ZNF717: variants seen among roughly 807,000 people sequenced by gnomAD.
The protein encoded by ZNF717 is krueppel-like factor X17.
ZNF717 carries 9 observed loss-of-function variants against 13.8 expected under a neutral mutation model. That is an observed-to-expected ratio of 0.65 (90% CI 0.39 to 1.14). The LOEUF is 1.14. ZNF717 is among the 50% of genes most tolerant of loss of function. The pLI is 0.01. For synonymous variants in ZNF717, 327 were observed against 364.1 expected (o/e 0.90, Z 1.16); for missense variants, 1,040 against 1,080.7 (o/e 0.96, Z 0.53).
chr3:75,719,022 G>A (rs1395197227), intron 4 of ZNF717, among the ~76,000 whole-genome samples: 261 of 152,292 alleles, frequency 1.7e-3, no homozygotes, highest in Admixed American at 5.2e-3. Context: ...GGCCAGGCAC[G>A]GTGGTTCATG....
In ZNF717 at chr3:75,737,060, A is replaced by G. The variant is rs77715040; in HGVS notation, c.2563T>C (p.Ser855Pro). 14 of 1,601,220 alleles carry G rather than the reference A, an allele frequency of 8.7e-6. No homozygotes were observed. The highest frequency in any genetic ancestry group is 1.1e-5 in the South Asian group (1 of 89,328). ...NECRKTFSQK[S>P]GLSIHQRTHT... ...GTTCTCTGATGTATACTGAGGCCTG[A>G]CTTCTGGGAGAAAGTTTTCCTACAT... Residue 855 changes from serine (S) to proline (P), a missense_variant, in exon 5 of 5, where the codon TCA becomes CCA. This residue lies in a region of ZNF717 where 873 missense variants were observed against 832.8 expected (regional missense o/e 1.05). Transcript: ENST00000652011.
intron 2 of ZNF717, among the ~76,000 whole-genome samples, chr3:75,772,194 A>G (rs1454450314): frequency 6.7e-6 from 1 of 149,948 alleles, no homozygotes; most frequent in Non-Finnish European, 1.5e-5. Context: ...TGACTGCAGA[A>G]AGGAGCTACC....
At chr3:75,741,564 C>T (rs1315200925) in intron 3 of ZNF717, 46 bp downstream of exon 3, 7 of 1,564,698 alleles carry the variant, frequency 4.5e-6, no homozygotes, top group East Asian at 2.4e-5. Context: ...CTATATTTAC[C>T]AGCAACAAAA....
downstream of ZNF717, among the ~76,000 whole-genome samples, chr3:75,734,992 A>T (rs1167806936): frequency 1.3e-5 from 2 of 150,788 alleles, no homozygotes; most frequent in South Asian, 2.1e-4. Flanking sequence ...CGTCCAGCTA[A>T]TTTTTTGTAT....
At chr3:75,746,469 A>G (rs1941181836) in intron 2 of ZNF717, among the ~76,000 whole-genome samples, 1 of 152,176 alleles carries the variant, frequency 6.6e-6, no homozygotes, top group South Asian at 2.1e-4. Flanking sequence ...TGTCTTCCAC[A>G]ATGGTTGAAC....
chr3:75,719,203 G>A (rs1271265504), intron 4 of ZNF717, among the ~76,000 whole-genome samples: 10 of 151,758 alleles, frequency 6.6e-5, no homozygotes, highest in African/African-American at 2.4e-4. Context: ...GCTGAGGTGG[G>A]AGGATTGCTT....
intron 2 of ZNF717, among the ~76,000 whole-genome samples, chr3:75,759,130 C>A (rs1350569990): frequency 2.0e-5 from 3 of 152,158 alleles, no homozygotes; most frequent in Non-Finnish European, 2.9e-5. Context: ...CTTTTACATG[C>A]ACTGGGAAAC....
downstream of ZNF717, among the ~76,000 whole-genome samples, chr3:75,731,006 C>T (rs11720039): frequency 0.4 from 60,648 of 150,160 alleles, 11,594 homozygotes; most frequent in Non-Finnish European, 0.44. Context: ...TTTGGGAGAC[C>T]GAGGTGGGCA....
Position 75,741,619 on chromosome 3 carries a change from C to G in ZNF717, c.175G>C (p.Val59Leu), listed in dbSNP as rs1484364171. The G allele has an allele frequency of 6.3e-7, 1 of 1,575,198 alleles. No individual in the cohort carries two copies. The highest frequency in any genetic ancestry group is 8.6e-7 in the Non-Finnish European group (1 of 1,158,408). The part of the protein sequence containing the change: ...DVMLETYSSL[V>L]SLGHYITKPE... ...GGCAAGTTTCACTCACCCAATGATA[C>G]CAGGCTGCTGTAGGTCTCCAGCATC... is the stretch of plus-strand genomic sequence containing the variant. The change falls in exon 3 of 5, where the codon GTA becomes CTA. Residue 59 changes from valine to leucine, a missense_variant. Coordinates refer to ENST00000652011, the MANE Select transcript of ZNF717 (RefSeq NM_001290208.3).
chr3:75,742,078 A>G (rs1287933156), intron 2 of ZNF717, among the ~76,000 whole-genome samples: 273 of 152,352 alleles, frequency 1.8e-3, no homozygotes, highest in African/African-American at 5.9e-3. Context: ...ATAAAATTGT[A>G]TTACAAAGTT....
At chr3:75,722,848 GTT>G (rs1938196808) in intron 4 of ZNF717, among the ~76,000 whole-genome samples, 2 of 148,156 alleles carry the variant, frequency 1.3e-5, no homozygotes, top group Non-Finnish European at 3.0e-5. Flanking sequence ...GCCAACTATT[GTT>G]CTTCTTCTTT....
chr3:75,783,379 A>T lies in ZNF717; in HGVS notation c.-2-15T>A, dbSNP rs1227196466. 1 of 1,549,030 alleles carries T rather than the reference A, an allele frequency of 6.5e-7. No homozygotes were observed. Among genetic ancestry groups the T allele is most frequent in the East Asian group, 2.4e-5 (1 of 40,888 alleles). On this transcript the variant is annotated splice_polypyrimidine_tract_variant and intron_variant, in intron 1 of 4. Transcript: ENST00000652011. ...TGGAAACATAGCTGAGAGAGAAGGC[A>T]AATGACGTGAATTAAGGAGAGAACT...
rs57887173 is a variant in ZNF717, at chr3:75,736,518, T to A, written c.*360A>T. 1 of 232,030 alleles carries A rather than the reference T, an allele frequency of 4.3e-6. No individual in the cohort carries two copies. The highest frequency in any genetic ancestry group is 2.3e-5 in the African/African-American group (1 of 43,616). 14.4% of individuals were successfully genotyped at this position (232,030 alleles called of 1,614,324 possible). On this transcript the variant is annotated 3_prime_UTR_variant, in exon 5 of 5. Transcript: ENST00000652011. ...ACAGAGAAAGTCTGAGTGGTCCACA[T>A]AGAAGATCAAACCAGCCCCAACATT...
At chr3:75,781,142 C>T (rs571405006) in intron 2 of ZNF717, among the ~76,000 whole-genome samples, 1 of 152,390 alleles carries the variant, frequency 6.6e-6, no homozygotes, top group East Asian at 1.9e-4. Context: ...TGTGGATGAA[C>T]TGCAACCTAC....
intron 4 of ZNF717, among the ~76,000 whole-genome samples, chr3:75,740,178 T>A (rs1370835781): frequency 6.6e-6 from 1 of 152,252 alleles, no homozygotes; most frequent in African/African-American, 2.4e-5. Context: ...GGTTTTATTT[T>A]GTGTTTTGGA....
At chr3:75,763,681 G>A (rs1449857803) in intron 2 of ZNF717, among the ~76,000 whole-genome samples, 1 of 152,162 alleles carries the variant, frequency 6.6e-6, no homozygotes, top group Non-Finnish European at 1.5e-5. Flanking sequence ...AATAATCACA[G>A]AAGAAAACTA....
At chr3:75,758,751 C>T (rs1166516027) in intron 2 of ZNF717, among the ~76,000 whole-genome samples, 1 of 152,196 alleles carries the variant, frequency 6.6e-6, no homozygotes, top group African/African-American at 2.4e-5. Flanking sequence ...CAGTGGTTCA[C>T]CCCTGTCATC....
At chr3:75,764,109 T>A (rs1943245908) in intron 2 of ZNF717, among the ~76,000 whole-genome samples, 1 of 152,164 alleles carries the variant, frequency 6.6e-6, no homozygotes, top group African/African-American at 2.4e-5. Context: ...AAGGACAACA[T>A]CTTATCAGGT....
rs565708567 is a variant in ZNF717, at chr3:75,764,493, T to A, written c.57+18813A>T. ...GTAATGAGGATGAACTGTGATATAA[T>A]GAATGATCATGACCCTGGCCCAACG... On this transcript the variant is annotated intron_variant, in intron 2 of 4. Transcript: ENST00000652011. 2.0e-4 allele frequency among the ~76,000 whole-genome samples: 26 copies of A among 133,204 alleles called. No individual in the cohort carries two copies. In the South Asian group the frequency reaches 6.3e-3, roughly 32 times the overall value. The allele number at this position is 133,204 out of a possible 152,430, so 87.4% of individuals were successfully genotyped here. A position where few individuals can be genotyped will look rare whatever the true frequency, so the allele number is the denominator to read the frequency against.
Sources: allele counts gnomAD v4.1 joint callset (sites outside exome capture counted in the v4.1 genomes callset), GRCh38; gene constraint gnomAD v4.1.1; regional missense constraint gnomAD v4.1.1; transcripts MANE v1.5; gene names NCBI Gene and HGNC (gene_info 2026-07-23, HGNC 2026-07-21).